FRMD5: variants seen among roughly 807,000 people sequenced by gnomAD.
FRMD5 encodes FERM domain-containing protein 5.
A neutral mutation model predicts 69.0 loss-of-function variants in FRMD5; 20 were observed. The ratio of observed to expected loss-of-function variants is 0.29; its 90% CI spans 0.20 to 0.42. The LOEUF is 0.42. Among genes scored for constraint, FRMD5 ranks in the 10% least tolerant of loss-of-function variants. The probability of loss-of-function intolerance (pLI) is 1.00; values close to 1 mark genes in which losing one functional copy is unlikely to be tolerated. For missense variants in FRMD5, 595 were observed against 708.6 expected (o/e 0.84, Z 1.82); for synonymous variants, 271 against 260.1 (o/e 1.04, Z -0.40).
At position 43,906,803 on chromosome 15, in the gene FRMD5, G is replaced by T. The variant is rs560485; in HGVS notation, c.428-852C>A. Among the ~76,000 whole-genome samples the T allele has an allele frequency of 5.6e-4, 68 of 121,618 alleles. 2 individuals carry two copies. Among genetic ancestry groups the T allele is most frequent in the African/African-American group, 2.7e-3 (60 of 22,146 alleles). The allele number at this position is 121,618 out of a possible 152,430, so 79.8% of individuals were successfully genotyped here. ...TTTTTAGTAGAGACGGGGTTTCACC[G>T]TGTTAGCCAGGATGGTCTCGATCTC... On this transcript the variant is annotated intron_variant, in intron 5 of 13. Coordinates refer to ENST00000417257, the MANE Select transcript of FRMD5 (RefSeq NM_032892.5).
intron 1 of FRMD5, among the ~76,000 whole-genome samples, chr15:44,064,741 G>A (rs1456566860): frequency 2.0e-5 from 3 of 152,134 alleles, no homozygotes; most frequent in Admixed American, 6.5e-5. Context: ...TTCAGAAAAG[G>A]AAGAAAACTA....
intron 6 of FRMD5, among the ~76,000 whole-genome samples, chr15:43,904,130 G>A (rs1024761694): frequency 6.6e-6 from 1 of 152,174 alleles, no homozygotes; most frequent in Non-Finnish European, 1.5e-5. Flanking sequence ...GGGCAGAGGG[G>A]TCTGTTTACA....
intron 1 of FRMD5, among the ~76,000 whole-genome samples, chr15:44,077,958 T>G (rs765645915): frequency 4.6e-5 from 7 of 152,128 alleles, no homozygotes; most frequent in Non-Finnish European, 1.0e-4. Flanking sequence ...TTAAAGTGGT[T>G]AAACTATGTA....
At chr15:43,978,592 C>A (rs1487948456) in intron 1 of FRMD5, among the ~76,000 whole-genome samples, 2 of 152,152 alleles carry the variant, frequency 1.3e-5, no homozygotes, top group Admixed American at 1.3e-4. Context: ...AAAAGATTCA[C>A]CCAGGCTGGA....
At chr15:44,001,470 G>A (rs1461877421) in intron 1 of FRMD5, among the ~76,000 whole-genome samples, 2 of 152,084 alleles carry the variant, frequency 1.3e-5, no homozygotes, top group African/African-American at 2.4e-5. Flanking sequence ...ATTAAAAAAA[G>A]TATTGCCAAG....
chr15:43,926,430 A>G (rs941770197), intron 1 of FRMD5, among the ~76,000 whole-genome samples: 1 of 152,198 alleles, frequency 6.6e-6, no homozygotes. Flanking sequence ...GTAAGATAAG[A>G]TCCAAAGATC....
intron 1 of FRMD5, among the ~76,000 whole-genome samples, chr15:44,028,870 G>A (rs1174836062): frequency 6.6e-6 from 1 of 152,166 alleles, no homozygotes; most frequent in African/African-American, 2.4e-5. Flanking sequence ...ATCAGTTTAA[G>A]CTTTAAACTA....
chr15:43,918,502 A>G (rs1403848980), intron 4 of FRMD5, among the ~76,000 whole-genome samples: 4 of 152,176 alleles, frequency 2.6e-5, no homozygotes, highest in African/African-American at 9.7e-5. Context: ...CCAAGCAGTT[A>G]AGGATCTAGG....
At chr15:44,190,452 G>A (rs2140608857) in intron 1 of FRMD5, among the ~76,000 whole-genome samples, 1 of 152,228 alleles carries the variant, frequency 6.6e-6, no homozygotes, top group East Asian at 1.9e-4. Flanking sequence ...GCATCACACA[G>A]TATTCATTTG....
chr15:44,106,985 A>G (rs970398203), intron 1 of FRMD5, among the ~76,000 whole-genome samples: 1 of 152,228 alleles, frequency 6.6e-6, no homozygotes, highest in Admixed American at 6.5e-5. Flanking sequence ...TTTTTAAAAT[A>G]TGCATCAATT....
At chr15:44,067,160 T>C (rs992658720) in intron 1 of FRMD5, among the ~76,000 whole-genome samples, 2 of 152,018 alleles carry the variant, frequency 1.3e-5, no homozygotes, top group East Asian at 1.9e-4. Flanking sequence ...ACAGAGGAAG[T>C]TGAAGAATTT....
At chr15:44,163,035 G>T (rs1206424368) in intron 1 of FRMD5, among the ~76,000 whole-genome samples, 1 of 152,020 alleles carries the variant, frequency 6.6e-6, no homozygotes, top group Non-Finnish European at 1.5e-5. Flanking sequence ...ATTAGCAGGC[G>T]TGGTGGCGGG....
At chr15:44,193,270 C>A (rs1253447975) in intron 1 of FRMD5, among the ~76,000 whole-genome samples, 1 of 152,128 alleles carries the variant, frequency 6.6e-6, no homozygotes, top group Non-Finnish European at 1.5e-5. Flanking sequence ...CAAAAGTATT[C>A]TTAGGACTTA....
rs1386279298 is a variant in FRMD5 at position 43,872,016 on chromosome 15, C to CTGTT, written c.*1865_*1868dup. On this transcript the variant is annotated 3_prime_UTR_variant, in exon 14 of 14. Coordinates refer to ENST00000417257, the MANE Select transcript of FRMD5 (RefSeq NM_032892.5). ...TGGCCTGTAGGCTAAATTCAGCTCA[C>CTGTT]TGTTTTCATAAAGTTTTATTGGAAC... The CTGTT allele has an allele frequency of 1.3e-5, 2 of 152,218 alleles. No individual in the cohort carries two copies. Among genetic ancestry groups the CTGTT allele is most frequent in the Non-Finnish European group, 2.9e-5 (2 of 68,048 alleles). 9.4% of individuals were successfully genotyped at this position (152,218 alleles called of 1,614,324 possible).
chr15:44,191,934 A>ATC (rs2078203266), intron 1 of FRMD5, among the ~76,000 whole-genome samples: 6 of 108,958 alleles, frequency 5.5e-5, no homozygotes, highest in Admixed American at 2.1e-4. Flanking sequence ...ATATATATAT[A>ATC]TATATATGTA....
chr15:44,105,063 G>T (rs1468781036), intron 1 of FRMD5, among the ~76,000 whole-genome samples: 1 of 149,818 alleles, frequency 6.7e-6, no homozygotes, highest in Non-Finnish European at 1.5e-5. Flanking sequence ...GTAGTAAAGA[G>T]CCTATATCAC....
intron 1 of FRMD5, among the ~76,000 whole-genome samples, chr15:44,026,089 T>C (rs1347583892): frequency 1.3e-5 from 2 of 152,214 alleles, no homozygotes; most frequent in Non-Finnish European, 2.9e-5. Flanking sequence ...GTGATTCTCG[T>C]GTCTCAGCCT....
Position 43,989,687 on chromosome 15 carries a change from T to C in FRMD5, c.103-65378A>G, listed in dbSNP as rs545331426. 9.3e-5 allele frequency: 92 copies of C among 990,906 alleles called. 1 individual carries two copies. The East Asian group carries it at 1.8e-3, about 20-fold the overall frequency. 61.4% of individuals were successfully genotyped at this position (990,906 alleles called of 1,614,324 possible). ...GGCATGGGGGAGGGCATACTCTTCA[T>C]AGATGGGCACAGTGTGGGTGACCCC... On this transcript the variant is annotated intron_variant, in intron 1 of 13. Coordinates refer to ENST00000417257, the MANE Select transcript of FRMD5 (RefSeq NM_032892.5).
At chr15:44,004,336 G>A (rs961089716) in intron 1 of FRMD5, among the ~76,000 whole-genome samples, 1 of 152,042 alleles carries the variant, frequency 6.6e-6, no homozygotes, top group African/African-American at 2.4e-5. Context: ...TCACTTTATT[G>A]TGACTCACAG....
Sources: allele counts gnomAD v4.1 joint callset (sites outside exome capture counted in the v4.1 genomes callset), GRCh38; gene constraint gnomAD v4.1.1; transcripts MANE v1.5; gene names NCBI Gene and HGNC (gene_info 2026-07-23, HGNC 2026-07-21).